Variants in PDE10A observed in about 807,000 individuals in gnomAD.
PDE10A encodes the protein phosphodiesterase 10A.
In PDE10A, 39 loss-of-function variants were observed where a neutral mutation model predicts 97.7. The observed-to-expected ratio is 0.40, with a 90% CI of 0.31 to 0.52. The LOEUF (loss-of-function observed/expected upper bound fraction) is 0.52. Ranked by LOEUF, PDE10A falls within the 20% of genes least tolerant of loss-of-function variation. PDE10A has a pLI of 0.56. For synonymous variants in PDE10A, 371 were observed against 376.8 expected (o/e 0.98, Z 0.18); for missense variants, 731 against 1,047.8 (o/e 0.70, Z 4.17).
chr6:165,868,437 T>C (rs890312750), intron 1 of PDE10A, among the ~76,000 whole-genome samples: 2 of 152,024 alleles, frequency 1.3e-5, no homozygotes, highest in African/African-American at 4.8e-5. Flanking sequence ...CCTAGACACA[T>C]ACAACCTATG....
Position 165,542,612 on chromosome 6 carries a change from C to CTTTTTTT in PDE10A, c.994+821_994+827dup, listed in dbSNP as rs545149187. 6.7e-4 allele frequency among the ~76,000 whole-genome samples: 51 copies of CTTTTTTT among 76,452 alleles called. 3 individuals carry two copies. The highest frequency in any genetic ancestry group is 1.9e-3 in the South Asian group (3 of 1,566). 50.2% of individuals were successfully genotyped at this position (76,452 alleles called of 152,430 possible). A position where few individuals can be genotyped will look rare whatever the true frequency, so the allele number is the denominator to read the frequency against. ...TTTAGGTCAAAAAGATGTCCTTGTT[C>CTTTTTTT]TTTTTTTTTTTTTTTTTTTTTTTTT... is the stretch of plus-strand genomic sequence containing the variant. On this transcript the variant is annotated intron_variant, in intron 2 of 21. Coordinates refer to ENST00000539869, the MANE Select transcript of PDE10A (RefSeq NM_001385079.1).
chr6:165,938,141 G>A (rs757607344), intron 1 of PDE10A, among the ~76,000 whole-genome samples: 1 of 152,308 alleles, frequency 6.6e-6, no homozygotes, highest in South Asian at 2.1e-4. Context: ...AGAGCAATGA[G>A]CTTTGGCATT....
At chr6:165,848,990 G>A (rs1418868112) in intron 1 of PDE10A, among the ~76,000 whole-genome samples, 1 of 152,206 alleles carries the variant, frequency 6.6e-6, no homozygotes, top group Non-Finnish European at 1.5e-5. Context: ...GTCTGTTTGT[G>A]ATGATTTGTT....
chr6:165,684,785 A>C (rs142616882), intron 1 of PDE10A, among the ~76,000 whole-genome samples: 7 of 152,274 alleles, frequency 4.6e-5, no homozygotes, highest in Non-Finnish European at 8.8e-5. Context: ...TATGAAAATT[A>C]CAATGAAAGT....
chr6:165,650,801 G>T (rs148110987), intron 1 of PDE10A, among the ~76,000 whole-genome samples: 1,625 of 151,452 alleles, frequency 0.011, 26 homozygotes, highest in African/African-American at 0.037. Context: ...GCAGTGGTGT[G>T]ATCTCAGCTC....
At chr6:165,342,942 G>A (rs1782062857) in intron 19 of PDE10A, among the ~76,000 whole-genome samples, 1 of 152,184 alleles carries the variant, frequency 6.6e-6, no homozygotes, top group Non-Finnish European at 1.5e-5. Context: ...TTGCAGGTGA[G>A]CTATTGGTTA....
chr6:165,707,050 C>T (rs1205606480), intron 1 of PDE10A, among the ~76,000 whole-genome samples: 1 of 152,164 alleles, frequency 6.6e-6, no homozygotes, highest in African/African-American at 2.4e-5. Flanking sequence ...GTTTTTAAGT[C>T]GATTGCTTAA....
intron 5 of PDE10A, among the ~76,000 whole-genome samples, chr6:165,437,461 C>G (rs918694588): frequency 6.6e-6 from 1 of 152,144 alleles, no homozygotes; most frequent in Non-Finnish European, 1.5e-5. Context: ...GTATGGAAAG[C>G]TCTTCTATTT....
intron 1 of PDE10A, among the ~76,000 whole-genome samples, chr6:165,623,527 T>A (rs1252500507): frequency 6.6e-6 from 1 of 151,924 alleles, no homozygotes; most frequent in Non-Finnish European, 1.5e-5. Context: ...CAGATAAACC[T>A]AAACATTCTG....
At chr6:165,360,976 G>A (rs775230538) in intron 18 of PDE10A, among the ~76,000 whole-genome samples, 1 of 152,114 alleles carries the variant, frequency 6.6e-6, no homozygotes, top group Non-Finnish European at 1.5e-5. Flanking sequence ...TTCCCCCAAA[G>A]AACAGGAACA....
At position 165,576,236 on chromosome 6, in the gene PDE10A, C is replaced by T. The variant is rs556124693; in HGVS notation, c.866-32668G>A. On this transcript the variant is annotated intron_variant, in intron 1 of 21. Coordinates refer to ENST00000539869, the MANE Select transcript of PDE10A (RefSeq NM_001385079.1). ...ACCCTGTCAATGATACTGTAGGGGGCTTGACTGAAGGTTGGCACCAAAAAG... is the reference window on the plus strand; with the variant it reads ...ACCCTGTCAATGATACTGTAGGGGGTTTGACTGAAGGTTGGCACCAAAAAG... 2.0e-5 allele frequency among the ~76,000 whole-genome samples: 3 copies of T among 152,302 alleles called. No homozygotes were observed. In the South Asian group the frequency reaches 6.2e-4, roughly 32 times the overall value.
At chr6:165,374,021 A>T (rs1291637690) in intron 18 of PDE10A, among the ~76,000 whole-genome samples, 1 of 143,220 alleles carries the variant, frequency 7.0e-6, no homozygotes, top group Non-Finnish European at 1.5e-5. Flanking sequence ...ATAGATGGGA[A>T]TTGAACAATG....
intron 1 of PDE10A, among the ~76,000 whole-genome samples, chr6:165,844,065 G>A (rs1215018363): frequency 2.0e-5 from 3 of 152,174 alleles, no homozygotes; most frequent in Non-Finnish European, 2.9e-5. Flanking sequence ...AGGCAGGTGT[G>A]GGGTACCTCG....
chr6:165,411,271 T>G (rs1000749945), intron 13 of PDE10A, among the ~76,000 whole-genome samples: 1 of 151,630 alleles, frequency 6.6e-6, no homozygotes, highest in African/African-American at 2.4e-5. Flanking sequence ...CCCTTAAAAT[T>G]CATGTATTAA....
At chr6:165,679,551 G>A (rs1204640495) in intron 1 of PDE10A, among the ~76,000 whole-genome samples, 5 of 152,198 alleles carry the variant, frequency 3.3e-5, no homozygotes, top group Non-Finnish European at 5.9e-5. Flanking sequence ...GGTCAGGCGT[G>A]CCTGGCCCCA....
intron 1 of PDE10A, among the ~76,000 whole-genome samples, chr6:165,982,739 T>C (rs1389643169): frequency 6.6e-6 from 1 of 151,930 alleles, no homozygotes; most frequent in African/African-American, 2.4e-5. Flanking sequence ...AGTTATAAGA[T>C]CAATAAATAC....
Position 165,343,380 on chromosome 6 carries a change from C to T in PDE10A, c.2895+11G>A. Reference sequence around the variant, plus strand: ...TCACTATCTATGTCAATATAAGAATCAAGGACATACCTCAGCCCAGAATTC... The same window carrying T: ...TCACTATCTATGTCAATATAAGAATTAAGGACATACCTCAGCCCAGAATTC... On this transcript the variant is annotated intron_variant, in intron 19 of 21. Coordinates refer to ENST00000539869, the MANE Select transcript of PDE10A (RefSeq NM_001385079.1). The T allele has an allele frequency of 6.5e-7, 1 of 1,550,306 alleles. No individual in the cohort carries two copies. Among genetic ancestry groups the T allele is most frequent in the Non-Finnish European group, 8.9e-7 (1 of 1,121,986 alleles).
chr6:165,817,790 A>G (rs1779459681), intron 1 of PDE10A, among the ~76,000 whole-genome samples: 3 of 152,110 alleles, frequency 2.0e-5, no homozygotes, highest in African/African-American at 7.2e-5. Flanking sequence ...CAGTTTCCTG[A>G]CCTGTAAAAC....
At position 165,327,874 on chromosome 6, in the gene PDE10A, T is replaced by A. The variant is rs1781132419; in HGVS notation, c.*5151A>T. On this transcript the variant is annotated 3_prime_UTR_variant, in exon 22 of 22. Transcript: ENST00000539869. ...CATGAGCATTGTATTTGTGATGGCA[T>A]ATAACCTGTGTTACTCTCCAGTAGT... 6.6e-6 allele frequency: 1 copy of A among 152,238 alleles called. No homozygotes were observed. The highest frequency in any genetic ancestry group is 1.5e-5 in the Non-Finnish European group (1 of 68,048). The allele number at this position is 152,238 out of a possible 1,614,324, so 9.4% of individuals were successfully genotyped here.
Sources: gnomAD v4.1 joint callset for allele counts (sites outside exome capture counted in the v4.1 genomes callset) on GRCh38, gnomAD v4.1.1 for gene constraint, MANE v1.5 for transcripts, NCBI Gene and HGNC (gene_info 2026-07-23, HGNC 2026-07-21) for gene names.